PODNL1: variants seen among roughly 807,000 people sequenced by gnomAD.
PODNL1 encodes the protein podocan-like protein 1.
In PODNL1, 50 loss-of-function variants were observed where a neutral mutation model predicts 45.1. The ratio of observed to expected loss-of-function variants is 1.11; its 90% CI spans 0.88 to 1.40. The LOEUF is 1.40. PODNL1 is among the 40% of genes most tolerant of loss of function. The pLI is 0.00. For missense variants in PODNL1, 788 were observed against 793.3 expected (o/e 0.99, Z 0.08); for synonymous variants, 406 against 372.5 (o/e 1.09, Z -1.04).
chr19:13,934,563 T>G (rs1454145481), intron 5 of PODNL1, among the ~76,000 whole-genome samples, 153 bp from the exon 6 acceptor site: 1 of 151,850 alleles, frequency 6.6e-6, no homozygotes, highest in Non-Finnish European at 1.5e-5. Context: ...GGAATGTAAT[T>G]GTGTATGTGT....
rs544250017 is a variant in PODNL1, at chr19:13,936,061, G to T, written c.320-17C>A. ...CAGGCAGGCCTGGGAGAGTAGGGGG[G>T]CAGTGAAGGGACCCCAGGCCTGTCT... is the stretch of plus-strand genomic sequence containing the variant. On this transcript the variant is annotated splice_polypyrimidine_tract_variant and intron_variant, in intron 3 of 9. Transcript: ENST00000588872. The T allele has an allele frequency of 1.3e-6, 2 of 1,546,362 alleles. No individual in the cohort carries two copies. Among genetic ancestry groups the T allele is most frequent in the Non-Finnish European group, 8.7e-7 (1 of 1,144,910 alleles).
At chr19:13,952,568 G>A in intron 1 of PODNL1, 1 of 1,265,534 alleles carries the variant, frequency 7.9e-7, no homozygotes, top group Non-Finnish European at 1.0e-6. Context: ...GGCGGCGGCG[G>A]CCCCGGGGGA....
In PODNL1 at chr19:13,935,753, G is replaced by A; in HGVS notation, c.462C>T (p.Phe154=). Residue 154 remains phenylalanine, a synonymous_variant, in exon 5 of 10, where the codon TTC becomes TTT. Coordinates refer to ENST00000588872, the MANE Select transcript of PODNL1 (RefSeq NM_001370095.3). Reference sequence around the variant, plus strand: ...CCGGCTTCTCCCCAAAGGTGAGGGGGAAGATCTCCATCACTTGGTTGGCAG... The same window carrying A: ...CCGGCTTCTCCCCAAAGGTGAGGGGAAAGATCTCCATCACTTGGTTGGCAG... ...DLAANQVMEI[F]PLTFGEKPAL... is the part of the protein sequence containing the mutation. The A allele has an allele frequency of 6.3e-7, 1 of 1,592,106 alleles. No homozygotes were observed. Among genetic ancestry groups the A allele is most frequent in the Non-Finnish European group, 8.5e-7 (1 of 1,172,694 alleles).
In PODNL1 at chr19:13,932,922, A is replaced by G; in HGVS notation, c.1301T>C (p.Leu434Pro). ...LRTLQLQRNQ[L>P]RMLEPEPLAG... ...CAGAGGCTCGGGCTCGAGCATCCGCAGCTGGTTGCGTTGCAGCTGCAGGGT... is the reference window on the plus strand; with the variant it reads ...CAGAGGCTCGGGCTCGAGCATCCGCGGCTGGTTGCGTTGCAGCTGCAGGGT... Residue 434 changes from leucine to proline, a missense_variant, in exon 8 of 10, where the codon CTG becomes CCG. This residue lies in a region of PODNL1 where 762 missense variants were observed against 750.9 expected (regional missense o/e 1.01). Transcript: ENST00000588872. 2 of 1,577,048 alleles carry G rather than the reference A, an allele frequency of 1.3e-6. No homozygotes were observed. Among genetic ancestry groups the G allele is most frequent in the Non-Finnish European group, 8.6e-7 (1 of 1,163,960 alleles).
At chr19:13,938,481 C>A, upstream of PODNL1, 1 of 1,231,372 alleles carries the variant, frequency 8.1e-7, no homozygotes, top group Non-Finnish European at 1.0e-6. Context: ...CAGCCTGGGC[C>A]GGGCCACAAG....
exon 1 of PODNL1, chr19:13,953,163 G>A (rs1455516642): frequency 3.3e-6 from 5 of 1,534,494 alleles, no homozygotes; most frequent in East Asian, 2.6e-5. Flanking sequence ...CCCTGGATAG[G>A]GCTGAGTCTT....
chr19:13,932,549 G>A, intron 8 of PODNL1: 1 of 963,542 alleles, frequency 1.0e-6, no homozygotes, highest in Non-Finnish European at 1.5e-6. Flanking sequence ...TAGAGATAGG[G>A]TCTTGCTGTG....
Position 13,938,134 on chromosome 19 carries a change from G to A in PODNL1, c.3+45C>T. The A allele has an allele frequency of 2.6e-6, 4 of 1,558,066 alleles. No homozygotes were observed. The South Asian group carries it at 3.6e-5, about 14-fold the overall frequency. On this transcript the variant is annotated intron_variant, in intron 1 of 9. Transcript: ENST00000588872. ...GCCAGTTGGCAGAGCAGGGGTGGGGGGGCAGGCAGGCCCCACCCTCAGACC... is the reference window on the plus strand; with the variant it reads ...GCCAGTTGGCAGAGCAGGGGTGGGGAGGCAGGCAGGCCCCACCCTCAGACC...
intron 4 of PODNL1, 46 bp downstream of exon 4, chr19:13,935,934 C>T: frequency 6.5e-7 from 1 of 1,545,220 alleles, no homozygotes; most frequent in Non-Finnish European, 8.8e-7. Context: ...GTGACTGAAG[C>T]TGCACCCTCA....
At chr19:13,945,290 C>G (rs1017386013) in intron 1 of PODNL1, among the ~76,000 whole-genome samples, 6 of 151,664 alleles carry the variant, frequency 4.0e-5, no homozygotes, top group African/African-American at 1.5e-4. Context: ...GCAGGAGGAA[C>G]ACTTGAGGAC....
chr19:13,933,882 A>C lies in PODNL1; in HGVS notation c.763T>G (p.Phe255Val), dbSNP rs200974444. The part of the protein sequence containing the change: ...LTDSGLDATT[F>V]SKLHSLEYLD... ...TGCCCCCCAACCAGCCTGTACCTGA[A>C]GGTGGTGGCATCCAGGCCACTGTCT... is the stretch of plus-strand genomic sequence containing the variant. The change falls in exon 7 of 10, where the codon TTC becomes GTC. Residue 255 changes from phenylalanine to valine, a missense_variant. This residue lies in a region of PODNL1 where 762 missense variants were observed against 750.9 expected (regional missense o/e 1.01). Coordinates refer to ENST00000588872, the MANE Select transcript of PODNL1 (RefSeq NM_001370095.3). The surrounding 1 kb of genome is among the most constrained non-coding windows in gnomAD (Gnocchi z 5.2). 6.2e-7 allele frequency: 1 copy of C among 1,604,134 alleles called. No homozygotes were observed. The highest frequency in any genetic ancestry group is 2.2e-5 in the East Asian group (1 of 44,516).
intron 1 of PODNL1, among the ~76,000 whole-genome samples, chr19:13,946,105 C>T (rs1012063597): frequency 2.6e-5 from 4 of 152,126 alleles, no homozygotes; most frequent in African/African-American, 9.7e-5. Flanking sequence ...GAAACACCAT[C>T]TTTCTACTGG....
chr19:13,952,982 C>G (rs764239927), intron 1 of PODNL1: 20 of 1,079,586 alleles, frequency 1.9e-5, no homozygotes, highest in Non-Finnish European at 2.7e-5. Flanking sequence ...TTTCAAAGCT[C>G]TGCTCCCATG....
At position 13,938,401 on chromosome 19, in the gene PODNL1, T is replaced by C. The variant is rs1319922948; in HGVS notation, c.-220A>G. On this transcript the variant is annotated 5_prime_UTR_variant, in exon 1 of 10. Transcript: ENST00000588872. ...ACGGGCAGGCGGCCGGATGGGGTGG[T>C]GAGGACAGGCCAGCCCGTCCCCTTG... The C allele has an allele frequency of 5.5e-5, 76 of 1,388,816 alleles. No homozygotes were observed. Among genetic ancestry groups the C allele is most frequent in the Middle Eastern group, 4.7e-4 (2 of 4,290 alleles). The allele number at this position is 1,388,816 out of a possible 1,614,324, so 86.0% of individuals were successfully genotyped here. A position where few individuals can be genotyped will look rare whatever the true frequency, so the allele number is the denominator to read the frequency against.
At chr19:13,943,501 G>T (rs562930406) in intron 1 of PODNL1, among the ~76,000 whole-genome samples, 1 of 151,758 alleles carries the variant, frequency 6.6e-6, no homozygotes, top group East Asian at 1.9e-4. Context: ...TCGCTCTGTT[G>T]CTCAGGCTGG....
At chr19:13,940,994 C>T (rs537790946), upstream of PODNL1, among the ~76,000 whole-genome samples, 2 of 152,100 alleles carry the variant, frequency 1.3e-5, no homozygotes, top group African/African-American at 2.4e-5. Flanking sequence ...TGCAGTGAGC[C>T]GTGTTCATGC....
At chr19:13,945,109 G>A (rs1023065534) in intron 1 of PODNL1, among the ~76,000 whole-genome samples, 8 of 151,932 alleles carry the variant, frequency 5.3e-5, no homozygotes, top group African/African-American at 1.9e-4. Context: ...ACAGGAGCTC[G>A]CTATGTTTCC....
At chr19:13,947,753 A>G (rs1241585613) in intron 1 of PODNL1, among the ~76,000 whole-genome samples, 1 of 152,212 alleles carries the variant, frequency 6.6e-6, no homozygotes, top group Non-Finnish European at 1.5e-5. Flanking sequence ...CTCAGATGCT[A>G]AAGTCATCAT....
At position 13,934,190 on chromosome 19, in the gene PODNL1, G is replaced by A. The variant is rs916825582; in HGVS notation, c.651+64C>T. The A allele has an allele frequency of 1.4e-5, 20 of 1,463,484 alleles. No individual in the cohort carries two copies. In the African/African-American group the frequency reaches 2.8e-4, roughly 20 times the overall value. The allele number at this position is 1,463,484 out of a possible 1,614,324, so 90.7% of individuals were successfully genotyped here. A position where few individuals can be genotyped will look rare whatever the true frequency, so the allele number is the denominator to read the frequency against. On this transcript the variant is annotated intron_variant, in intron 6 of 9. Coordinates refer to ENST00000588872, the MANE Select transcript of PODNL1 (RefSeq NM_001370095.3). ...GAGAAGAATGGAAAGCTAGGAACTGGAGGGGTCCCCCTGGAAAGAGGTGAA... is the reference window on the plus strand; with the variant it reads ...GAGAAGAATGGAAAGCTAGGAACTGAAGGGGTCCCCCTGGAAAGAGGTGAA...
Sources: gnomAD v4.1 joint callset for allele counts (sites outside exome capture counted in the v4.1 genomes callset) on GRCh38, gnomAD v4.1.1 for gene constraint, gnomAD v4.1.1 regional missense constraint, Gnocchi (gnomAD v3.1) non-coding constraint, MANE v1.5 for transcripts, NCBI Gene and HGNC (gene_info 2026-07-23, HGNC 2026-07-21) for gene names.